Variants in XRN1 observed in about 807,000 individuals in gnomAD.
XRN1 encodes the protein strand-exchange protein 1 homolog.
In XRN1, 67 loss-of-function variants were observed where a neutral mutation model predicts 222.3. The ratio of observed to expected loss-of-function variants is 0.30; its 90% CI spans 0.25 to 0.37. XRN1 has a LOEUF of 0.37. XRN1 is among the 10% of genes least tolerant of loss of function. XRN1 has a pLI of 1.00. For synonymous variants in XRN1, 643 were observed against 652.4 expected, an observed-to-expected ratio of 0.99 and a Z score of 0.22; for missense variants, 1,707 against 2,000.2, an observed-to-expected ratio of 0.85 and a Z score of 2.80.
intron 18 of XRN1, among the ~76,000 whole-genome samples, chr3:142,402,126 C>T (rs765184355): frequency 3.8e-4 from 58 of 152,016 alleles, no homozygotes; most frequent in Non-Finnish European, 6.9e-4. Flanking sequence ...CTTGAATATC[C>T]TTCTCTCTCT....
intron 21 of XRN1, among the ~76,000 whole-genome samples, chr3:142,383,826 C>T (rs1459353851): frequency 6.6e-6 from 1 of 152,150 alleles, no homozygotes; most frequent in African/African-American, 2.4e-5. Flanking sequence ...AATTTTTGTC[C>T]TCTTATCGTA....
At chr3:142,400,345 TTAA>T in intron 19 of XRN1, 96 bp downstream of exon 19, 1 of 968,046 alleles carries the variant, frequency 1.0e-6, no homozygotes, top group Non-Finnish European at 1.5e-6. Flanking sequence ...GTAAATGTTC[TTAA>T]TATAATTTTG....
At chr3:142,415,543 C>A (rs2068750947) in intron 13 of XRN1, among the ~76,000 whole-genome samples, 1 of 152,170 alleles carries the variant, frequency 6.6e-6, no homozygotes, top group South Asian at 2.1e-4. Flanking sequence ...TATGTGAGAG[C>A]ATGCTTTTTA....
At chr3:142,435,680 C>T (rs1174987429) in intron 1 of XRN1, among the ~76,000 whole-genome samples, 2 of 149,232 alleles carry the variant, frequency 1.3e-5, no homozygotes, top group Non-Finnish European at 3.0e-5. Flanking sequence ...TCGCTTGCAC[C>T]TGGGAGGTGG....
At chr3:142,427,818 C>A (rs1453416251) in intron 2 of XRN1, among the ~76,000 whole-genome samples, 1 of 152,220 alleles carries the variant, frequency 6.6e-6, no homozygotes, top group African/African-American at 2.4e-5. Context: ...TGCCACATGG[C>A]ATACAAGTTA....
intron 29 of XRN1, among the ~76,000 whole-genome samples, chr3:142,363,961 G>A (rs777922996): frequency 8.5e-5 from 13 of 152,166 alleles, no homozygotes; most frequent in Non-Finnish European, 1.6e-4. Context: ...TTTTAGTTAT[G>A]TGGGCAGGAA....
chr3:142,400,416 G>C, intron 19 of XRN1, 28 bp downstream of exon 19: 2 of 1,534,336 alleles, frequency 1.3e-6, no homozygotes, highest in Non-Finnish European at 1.8e-6. Context: ...ATATATGTTA[G>C]AAAAATTATA....
At chr3:142,338,421 TA>T (rs544735181) in intron 33 of XRN1, among the ~76,000 whole-genome samples, 333 of 152,184 alleles carry the variant, frequency 2.2e-3, no homozygotes, top group Non-Finnish European at 3.7e-3. Flanking sequence ...ACTTGTTAAC[TA>T]AAGAACCCTT....
At chr3:142,414,414 A>G (rs2068706804) in intron 13 of XRN1, 123 bp from the exon 14 acceptor site, 3 of 688,130 alleles carry the variant, frequency 4.4e-6, no homozygotes, top group Non-Finnish European at 4.2e-6. Context: ...AGTACTGCCC[A>G]TAATTCTACT....
At chr3:142,325,990 A>G (rs1051624833) in intron 37 of XRN1, among the ~76,000 whole-genome samples, 1 of 151,880 alleles carries the variant, frequency 6.6e-6, no homozygotes, top group African/African-American at 2.4e-5. Flanking sequence ...GTGTGGATTT[A>G]TTTCTGGATT....
At chr3:142,319,194 T>A (rs1560282809) in intron 37 of XRN1, among the ~76,000 whole-genome samples, 2 of 152,206 alleles carry the variant, frequency 1.3e-5, no homozygotes, top group Non-Finnish European at 2.9e-5. Context: ...GAGTTCTGCC[T>A]CTTTTTGTAA....
chr3:142,391,748 AAAT>A (rs1446079616), intron 20 of XRN1, among the ~76,000 whole-genome samples: 586 of 52,962 alleles, frequency 0.011, 1 homozygote, highest in Admixed American at 0.014. Flanking sequence ...AAAAAAAAAA[AAAT>A]ATATATATAT....
At chr3:142,367,600 C>T (rs1222781154) in intron 27 of XRN1, among the ~76,000 whole-genome samples, 3 of 151,868 alleles carry the variant, frequency 2.0e-5, no homozygotes, top group Non-Finnish European at 4.4e-5. Flanking sequence ...GGCCAGAGTG[C>T]AGTAACGTGA....
rs116415703 is a variant in XRN1 at position 142,320,060 on chromosome 3, A to G, written c.4405-1157T>C. Among the ~76,000 whole-genome samples the G allele has an allele frequency of 4.0e-3, 605 of 152,314 alleles. 5 individuals are homozygous for G. Among genetic ancestry groups the G allele is most frequent in the African/African-American group, 0.013 (541 of 41,568 alleles). On this transcript the variant is annotated intron_variant, in intron 37 of 40. Transcript: ENST00000392981. ...ATACAAATGCAGGCATACTTTTTAT[A>G]TAATGATTTCTTTTCCTGGGGTAGA...
intron 15 of XRN1, among the ~76,000 whole-genome samples, chr3:142,408,581 A>C (rs1234294322): frequency 6.6e-6 from 1 of 152,194 alleles, no homozygotes; most frequent in Non-Finnish European, 1.5e-5. Flanking sequence ...AGGGATGCTT[A>C]ATCTGTACCA....
chr3:142,311,897 G>T, intron 40 of XRN1, 84 bp from the exon 41 acceptor site: 1 of 1,347,372 alleles, frequency 7.4e-7, no homozygotes, highest in Non-Finnish European at 1.0e-6. Context: ...CATGCATGCT[G>T]TTAATATTTG....
chr3:142,367,702 T>C (rs2066863106), intron 27 of XRN1, among the ~76,000 whole-genome samples: 2 of 151,586 alleles, frequency 1.3e-5, no homozygotes, highest in Admixed American at 1.3e-4. Context: ...TGTGCCACCA[T>C]GCCTGTCTAA....
intron 2 of XRN1, 50 bp from the exon 3 acceptor site, chr3:142,426,891 A>C: frequency 6.7e-7 from 1 of 1,488,592 alleles, no homozygotes; most frequent in Non-Finnish European, 9.3e-7. Flanking sequence ...AAAAAAGTGA[A>C]GATCTTTATA....
At chr3:142,442,635 G>C (rs1370266314) in intron 1 of XRN1, among the ~76,000 whole-genome samples, 4 of 152,186 alleles carry the variant, frequency 2.6e-5, no homozygotes, top group Non-Finnish European at 4.4e-5. Context: ...TACTGGACCA[G>C]GCCTTTTCAA....
Sources: allele counts gnomAD v4.1 joint callset (sites outside exome capture counted in the v4.1 genomes callset), GRCh38; gene constraint gnomAD v4.1.1; transcripts MANE v1.5; gene names NCBI Gene and HGNC (gene_info 2026-07-23, HGNC 2026-07-21).